SEMA3C: variants seen among roughly 807,000 people sequenced by gnomAD.
SEMA3C encodes semaphorin 3C.
A neutral mutation model predicts 89.4 loss-of-function variants in SEMA3C; 47 were observed. The observed-to-expected ratio is 0.53, with a 90% confidence interval of 0.42 to 0.67. The LOEUF is 0.67. Ranked by LOEUF, SEMA3C falls within the 30% of genes least tolerant of loss-of-function variation. The probability of loss-of-function intolerance (pLI) is 0.00; values close to 1 mark genes in which losing one functional copy is unlikely to be tolerated. For missense variants in SEMA3C, 839 were observed against 929.1 expected, an observed-to-expected ratio of 0.90 and a Z score of 1.26; for synonymous variants, 310 against 320.2, an observed-to-expected ratio of 0.97 and a Z score of 0.34.
intron 17 of SEMA3C, among the ~76,000 whole-genome samples, chr7:80,745,961 T>C (rs1226418922): frequency 6.6e-6 from 1 of 152,168 alleles, no homozygotes; most frequent in Non-Finnish European, 1.5e-5. Context: ...AATAAAAAGC[T>C]ATGAATTAAT....
chr7:80,803,033 T>A (rs886491207), intron 8 of SEMA3C, among the ~76,000 whole-genome samples: 3 of 152,188 alleles, frequency 2.0e-5, no homozygotes, highest in African/African-American at 7.2e-5. Flanking sequence ...CATAATTATT[T>A]CTAATTTTAA....
intron 2 of SEMA3C, among the ~76,000 whole-genome samples, chr7:80,844,319 T>A (rs191640695): frequency 6.6e-6 from 1 of 152,348 alleles, no homozygotes; most frequent in Admixed American, 6.5e-5. Context: ...ATATTAATAT[T>A]ACTAATGATT....
At chr7:80,775,884 T>A (rs975182870) in intron 12 of SEMA3C, among the ~76,000 whole-genome samples, 35 of 152,108 alleles carry the variant, frequency 2.3e-4, no homozygotes, top group African/African-American at 6.0e-4. Context: ...TTCCTTTTTT[T>A]AAAAAAAATT....
At chr7:80,866,279 C>G (rs1271185676) in intron 2 of SEMA3C, among the ~76,000 whole-genome samples, 2 of 150,884 alleles carry the variant, frequency 1.3e-5, no homozygotes, top group Admixed American at 1.3e-4. Context: ...AAAAGACAAA[C>G]TATCTTCTGA....
In SEMA3C at chr7:80,789,306, C is replaced by G. The variant is rs1424399136; in HGVS notation, c.1354G>C (p.Asp452His). The change falls in exon 12 of 18, where the codon GAT (aspartate) becomes CAT (histidine). Residue 452 changes from aspartate to histidine, a missense_variant and splice_region_variant. By Grantham distance (81) the Asp-to-His change is moderately conservative. Transcript: ENST00000265361. The part of the protein sequence containing the change: ...GRYHVLFLGT[D>H]RGTVQKVVVL... ...GCATATCTTGGGCTCAAATATTTAC[C>G]TGTTCCGAGAAACAGGACATGGTAT... 3 of 1,611,420 alleles carry G rather than the reference C, an allele frequency of 1.9e-6. No homozygotes were observed. The highest frequency in any genetic ancestry group is 2.7e-5 in the African/African-American group (2 of 74,848).
chr7:80,900,861 T>A (rs941458387), intron 2 of SEMA3C, among the ~76,000 whole-genome samples: 1 of 152,262 alleles, frequency 6.6e-6, no homozygotes, highest in Non-Finnish European at 1.5e-5. Flanking sequence ...TCCTGTGTAC[T>A]GCTGAGATAA....
intron 9 of SEMA3C, among the ~76,000 whole-genome samples, chr7:80,802,088 A>G (rs2115668893): frequency 6.6e-6 from 1 of 152,190 alleles, no homozygotes; most frequent in South Asian, 2.1e-4. Context: ...TTAAAAAAAT[A>G]AAAAAACTGT....
At chr7:80,797,945 C>T (rs1272103362) in intron 11 of SEMA3C, 147 bp downstream of exon 11, 1 of 690,578 alleles carries the variant, frequency 1.4e-6, no homozygotes, top group Admixed American at 4.0e-5. Context: ...GTGAGGTGAG[C>T]TGAGATTGCA....
intron 2 of SEMA3C, among the ~76,000 whole-genome samples, chr7:80,857,191 T>C (rs895498834): frequency 3.3e-5 from 5 of 152,176 alleles, no homozygotes; most frequent in Non-Finnish European, 5.9e-5. Context: ...TGTATATGTG[T>C]TCCTTAACAG....
Position 80,810,592 on chromosome 7 carries a change from T to A in SEMA3C, c.538+19A>T. On this transcript the variant is annotated intron_variant, in intron 6 of 17. Coordinates refer to ENST00000265361, the MANE Select transcript of SEMA3C (RefSeq NM_006379.5). The stretch of plus-strand genomic sequence containing the variant: ...ATGTTATTTTATGTTTAATCCTCCC[T>A]CTTTCGTTGTCTACTTACTGATCAT... 8 of 1,598,294 alleles carry A rather than the reference T, an allele frequency of 5.0e-6. No homozygotes were observed. The highest frequency in any genetic ancestry group is 6.9e-6 in the Non-Finnish European group (8 of 1,166,802).
chr7:80,818,236 A>G lies in SEMA3C; in HGVS notation c.447+63T>C, dbSNP rs1583907238. 37 of 1,460,952 alleles carry G rather than the reference A, an allele frequency of 2.5e-5. No individual in the cohort carries two copies. In the East Asian group the frequency reaches 8.3e-4, roughly 33 times the overall value. 90.5% of individuals were successfully genotyped at this position (1,460,952 alleles called of 1,614,324 possible). A position where few individuals can be genotyped will look rare whatever the true frequency, so the allele number is the denominator to read the frequency against. ...GATATGTCCAAGTTTTTACTCTAAA[A>G]TACAGTTTCAAAAATCCTTGACACT... is the stretch of plus-strand genomic sequence containing the variant. On this transcript the variant is annotated intron_variant, in intron 5 of 17. Coordinates refer to ENST00000265361, the MANE Select transcript of SEMA3C (RefSeq NM_006379.5).
Position 80,864,628 on chromosome 7 carries a change from A to G in SEMA3C, c.104-35883T>C, listed in dbSNP as rs199843956. ...ACCTTACAAGAAAGGTGTTGTAAGG[A>G]GGCTCTTACAAGAGCTTCCAAAATA... On this transcript the variant is annotated intron_variant, in intron 2 of 17. Transcript: ENST00000265361. 9.2e-5 allele frequency among the ~76,000 whole-genome samples: 14 copies of G among 152,232 alleles called. No individual in the cohort carries two copies. In the East Asian group the frequency reaches 2.7e-3, roughly 29 times the overall value.
At chr7:80,812,974 T>C (rs973355021) in intron 5 of SEMA3C, among the ~76,000 whole-genome samples, 11 of 148,990 alleles carry the variant, frequency 7.4e-5, no homozygotes, top group African/African-American at 2.7e-4. Context: ...TTTTTTTTTT[T>C]TTTTTTTTTT....
intron 2 of SEMA3C, among the ~76,000 whole-genome samples, chr7:80,853,532 T>C (rs1486175622): frequency 1.3e-5 from 2 of 152,166 alleles, no homozygotes; most frequent in African/African-American, 2.4e-5. Flanking sequence ...CACAAACTTA[T>C]GTGTTCTCAC....
chr7:80,841,644 AG>A (rs1426407861), intron 2 of SEMA3C, among the ~76,000 whole-genome samples: 1 of 152,180 alleles, frequency 6.6e-6, no homozygotes, highest in African/African-American at 2.4e-5. Context: ...CACAGCTTTC[AG>A]TAAGACAAAC....
At chr7:80,876,856 G>A (rs1203377856) in intron 2 of SEMA3C, among the ~76,000 whole-genome samples, 1 of 152,140 alleles carries the variant, frequency 6.6e-6, no homozygotes, top group Non-Finnish European at 1.5e-5. Context: ...TCAGTAAATT[G>A]AAAATGCTGC....
intron 10 of SEMA3C, among the ~76,000 whole-genome samples, chr7:80,800,363 C>T (rs541973493): frequency 6.6e-5 from 10 of 152,230 alleles, no homozygotes; most frequent in Admixed American, 3.3e-4. Context: ...TATGTATACA[C>T]TTGTGTTACT....
chr7:80,798,077 TC>T lies in SEMA3C; in HGVS notation c.1131+14del. ...TATAAAGCATCATAACAAAGAATTT[TC>T]CCTGGATACTTACAGTTCCAGGGCG... On this transcript the variant is annotated intron_variant, in intron 11 of 17. Transcript: ENST00000265361. 1 of 1,590,764 alleles carries T rather than the reference TC, an allele frequency of 6.3e-7. No homozygotes were observed. The highest frequency in any genetic ancestry group is 8.5e-7 in the Non-Finnish European group (1 of 1,172,534).
intron 11 of SEMA3C, among the ~76,000 whole-genome samples, chr7:80,790,955 T>C (rs1785632559): frequency 6.6e-6 from 1 of 152,016 alleles, no homozygotes; most frequent in Non-Finnish European, 1.5e-5. Flanking sequence ...ATGAATGCAT[T>C]ATATCATTGA....
Sources: gnomAD v4.1 joint callset for allele counts (sites outside exome capture counted in the v4.1 genomes callset) on GRCh38, gnomAD v4.1.1 for gene constraint, MANE v1.5 for transcripts, NCBI Gene and HGNC (gene_info 2026-07-23, HGNC 2026-07-21) for gene names.